The following STRBP variants were observed in gnomAD, a reference collection of about 807,000 sequenced individuals.
STRBP encodes spermatid perinuclear RNA binding protein, also known as spermatid perinuclear RNA-binding protein.
A neutral mutation model predicts 80.1 loss-of-function variants in STRBP; 13 were observed. That is an observed-to-expected ratio of 0.16 (90% confidence interval 0.11 to 0.26). The LOEUF is 0.26. Among genes scored for constraint, STRBP ranks in the 10% least tolerant of loss-of-function variants. STRBP has a pLI of 1.00. For missense variants in STRBP, 485 were observed against 815.2 expected (o/e 0.59, Z 4.93); for synonymous variants, 284 against 291.2 (o/e 0.98, Z 0.25).
At chr9:123,111,415 GGAAAA>G in intron 3 of STRBP, 1 of 310,304 alleles carries the variant, frequency 3.2e-6, no homozygotes, top group African/African-American at 2.3e-5. Context: ...CCATGAACAA[GGAAAA>G]GAAAAAGAGT....
intron 4 of STRBP, among the ~76,000 whole-genome samples, chr9:123,176,680 TATG>T (rs1428715669): frequency 3.3e-5 from 5 of 152,172 alleles, no homozygotes; most frequent in African/African-American, 1.2e-4. Flanking sequence ...AAACCATAAT[TATG>T]ATATACTTGG....
At position 123,133,008 on chromosome 9, in the gene STRBP, A is replaced by T. The variant is rs2036205165; in HGVS notation, c.1774-40T>A. On this transcript the variant is annotated intron_variant, in intron 16 of 18. Coordinates refer to ENST00000348403, the MANE Select transcript of STRBP (RefSeq NM_018387.5). ...CATTTTCATTACTGAAAGAAATAAG[A>T]ACCATTTTATTTCTTCTATCATCTC... 5 of 1,605,072 alleles carry T rather than the reference A, an allele frequency of 3.1e-6. No individual in the cohort carries two copies. The East Asian group carries it at 1.1e-4, about 36-fold the overall frequency.
At chr9:123,121,513 T>C (rs1187177383), downstream of STRBP, 1 of 152,196 alleles carries the variant, frequency 6.6e-6, no homozygotes, top group Non-Finnish European at 1.5e-5. Flanking sequence ...CTCTGCAGAC[T>C]CGATATTCAC....
chr9:123,235,188 G>T (rs1244817865), intron 2 of STRBP, among the ~76,000 whole-genome samples: 2 of 151,970 alleles, frequency 1.3e-5, no homozygotes, highest in Non-Finnish European at 2.9e-5. Context: ...ACACTTGCCA[G>T]CATTCCTTGT....
chr9:123,147,677 CAAAA>C (rs551381831), intron 12 of STRBP, 97 bp downstream of exon 12: 2,020 of 371,970 alleles, frequency 5.4e-3, no homozygotes, highest in South Asian at 8.0e-3. Flanking sequence ...GAACCGATCT[CAAAA>C]AAAAAAAAAA....
intron 1 of STRBP, among the ~76,000 whole-genome samples, chr9:123,266,825 C>T (rs546489546): frequency 1.3e-5 from 2 of 152,110 alleles, no homozygotes; most frequent in East Asian, 3.9e-4. Context: ...CATTCTTCTA[C>T]ATCCTCTACC....
In STRBP at chr9:123,183,058, C is replaced by T. The variant is rs113322946; in HGVS notation, c.3+1074G>A. On this transcript the variant is annotated intron_variant, in intron 3 of 18. Transcript: ENST00000348403. Reference sequence around the variant, plus strand: ...AAAAAACAAAAAATCAAAAAAATCACCACCAACAGACCGGCTAAACAACAT... The same window carrying T: ...AAAAAACAAAAAATCAAAAAAATCATCACCAACAGACCGGCTAAACAACAT... 3.4e-3 allele frequency among the ~76,000 whole-genome samples: 516 copies of T among 151,034 alleles called. 1 individual carries two copies. The highest frequency in any genetic ancestry group is 0.011 in the African/African-American group (468 of 40,970).
In STRBP at chr9:123,146,945, T is replaced by G. The variant is rs1468051499; in HGVS notation, c.1248A>C (p.Pro416=). The G allele has an allele frequency of 1.1e-5, 18 of 1,613,996 alleles. No homozygotes were observed. Among genetic ancestry groups the G allele is most frequent in the Non-Finnish European group, 1.4e-5 (17 of 1,180,012 alleles). Residue 416 remains proline (P), a synonymous_variant, in exon 13 of 19, where the codon CCA becomes CCC. Transcript: ENST00000348403. The part of the protein sequence containing the change: ...LLSQSGPVHA[P]VFTMSVDVDG... Reference sequence around the variant, plus strand: ...CCACATCTACAGACATTGTGAAGACTGGGGCATGAACGGGGCCAGACTGAG... The same window carrying G: ...CCACATCTACAGACATTGTGAAGACGGGGGCATGAACGGGGCCAGACTGAG...
In STRBP at chr9:123,137,472, C is replaced by A. The variant is rs1013798610; in HGVS notation, c.1498-957G>T. Among the ~76,000 whole-genome samples, 9 of 152,140 alleles carry A rather than the reference C, an allele frequency of 5.9e-5. 1 individual carries two copies. The highest frequency in any genetic ancestry group is 5.9e-4 in the Admixed American group (9 of 15,284). On this transcript the variant is annotated intron_variant, in intron 14 of 18. Transcript: ENST00000348403. The stretch of plus-strand genomic sequence containing the variant: ...TGGCCCAGGCTGGAGTGCAGTGGTG[C>A]AATCTCGGCTCACTGCAACCTCCAC...
At chr9:123,163,153 A>G (rs1356474791) in intron 6 of STRBP, among the ~76,000 whole-genome samples, 1 of 152,196 alleles carries the variant, frequency 6.6e-6, no homozygotes, top group Non-Finnish European at 1.5e-5. Context: ...GAGGGAGACA[A>G]TGGAAGAGGG....
At chr9:123,245,956 G>T (rs1248017191) in intron 1 of STRBP, among the ~76,000 whole-genome samples, 1 of 152,154 alleles carries the variant, frequency 6.6e-6, no homozygotes, top group Non-Finnish European at 1.5e-5. Flanking sequence ...GTTCATTATG[G>T]TTTATTTTTA....
chr9:123,255,282 G>T (rs1439130941), intron 1 of STRBP, among the ~76,000 whole-genome samples: 1 of 152,190 alleles, frequency 6.6e-6, no homozygotes, highest in Non-Finnish European at 1.5e-5. Context: ...AGGTTAAAAG[G>T]CTTGTCCTCT....
intron 2 of STRBP, among the ~76,000 whole-genome samples, chr9:123,192,610 G>A (rs1226532308): frequency 6.6e-6 from 1 of 152,094 alleles, no homozygotes; most frequent in Non-Finnish European, 1.5e-5. Context: ...AAAGGGAAAG[G>A]GGGATAGTGC....
chr9:123,221,413 G>A (rs2040063004), intron 2 of STRBP, among the ~76,000 whole-genome samples: 2 of 152,186 alleles, frequency 1.3e-5, no homozygotes, highest in Admixed American at 1.3e-4. Context: ...TAAAAACAAG[G>A]GGTTGGATTA....
chr9:123,188,118 T>A (rs963180801), intron 2 of STRBP, among the ~76,000 whole-genome samples: 5 of 152,110 alleles, frequency 3.3e-5, no homozygotes, highest in African/African-American at 1.2e-4. Flanking sequence ...GAATAATATA[T>A]CATATGTAGC....
At chr9:123,266,170 T>G (rs905347310) in intron 1 of STRBP, among the ~76,000 whole-genome samples, 1 of 152,174 alleles carries the variant, frequency 6.6e-6, no homozygotes, top group Non-Finnish European at 1.5e-5. Flanking sequence ...TTCCATTCAC[T>G]CTTGGTGCGC....
At chr9:123,206,327 A>G (rs2039513250) in intron 2 of STRBP, among the ~76,000 whole-genome samples, 1 of 152,330 alleles carries the variant, frequency 6.6e-6, no homozygotes, top group African/African-American at 2.4e-5. Flanking sequence ...GGAAATTCGG[A>G]CACTGAATAT....
chr9:123,239,081 T>A (rs1356427192), intron 1 of STRBP, among the ~76,000 whole-genome samples: 1 of 152,278 alleles, frequency 6.6e-6, no homozygotes, highest in African/African-American at 2.4e-5. Context: ...ATCTTCTTAA[T>A]ATGGAATGCC....
At chr9:123,260,637 GGTTT>G (rs2041142217) in intron 1 of STRBP, among the ~76,000 whole-genome samples, 1 of 151,980 alleles carries the variant, frequency 6.6e-6, no homozygotes, top group Non-Finnish European at 1.5e-5. Context: ...GTGGTTACGT[GGTTT>G]TTTTGGTTCT....
Sources: allele counts gnomAD v4.1 joint callset (sites outside exome capture counted in the v4.1 genomes callset), GRCh38; gene constraint gnomAD v4.1.1; transcripts MANE v1.5; gene names NCBI Gene and HGNC (gene_info 2026-07-23, HGNC 2026-07-21).